Variants in DNAH14 observed in about 807,000 individuals in gnomAD.
The protein encoded by DNAH14 is dynein axonemal heavy chain 14.
Under a neutral mutation model 520.9 loss-of-function variants are expected in DNAH14, and 478 were observed. The observed-to-expected ratio is 0.92, with a 90% confidence interval of 0.85 to 0.99. DNAH14 has a LOEUF of 0.99. Ranked by LOEUF, DNAH14 falls within the 50% of genes least tolerant of loss-of-function variation. DNAH14 has a pLI of 0.00. For missense variants in DNAH14, 4,831 were observed against 5,234.5 expected (o/e 0.92, Z 2.38); for synonymous variants, 1,581 against 1,757.2 (o/e 0.90, Z 2.51).
intron 17 of DNAH14, among the ~76,000 whole-genome samples, chr1:225,059,081 T>A (rs577371165): frequency 8.7e-4 from 132 of 152,312 alleles, no homozygotes; most frequent in Non-Finnish European, 2.9e-4. Context: ...TGGATATCCT[T>A]GTTAACTTTC....
chr1:225,127,491 T>C (rs554151365), intron 27 of DNAH14, among the ~76,000 whole-genome samples: 49 of 152,302 alleles, frequency 3.2e-4, no homozygotes, highest in South Asian at 1.0e-3. Context: ...TTGATCTTTG[T>C]TGGTTTAAAT....
intron 35 of DNAH14, among the ~76,000 whole-genome samples, chr1:225,163,204 T>G (rs1467380503): frequency 6.6e-6 from 1 of 151,906 alleles, no homozygotes; most frequent in Non-Finnish European, 1.5e-5. Context: ...TGTGTGTTGC[T>G]TTTGTATCCT....
intron 76 of DNAH14, 65 bp from the exon 77 acceptor site, chr1:225,367,740 A>C: frequency 8.9e-7 from 1 of 1,126,714 alleles, no homozygotes; most frequent in Non-Finnish European, 1.3e-6. Context: ...TAGAAAGACA[A>C]GTGCCCTGAA....
At chr1:225,150,433 C>T (rs777677653) in intron 31 of DNAH14, among the ~76,000 whole-genome samples, 1 of 152,116 alleles carries the variant, frequency 6.6e-6, no homozygotes, top group South Asian at 2.1e-4. Context: ...AGGAGTCTCT[C>T]CTCCTCAATT....
chr1:225,111,547 T>C (rs1573182958), intron 23 of DNAH14, among the ~76,000 whole-genome samples: 1 of 152,044 alleles, frequency 6.6e-6, no homozygotes, highest in Admixed American at 6.6e-5. Context: ...TGTTTCTTAT[T>C]GGGAGCAGAT....
intron 17 of DNAH14, among the ~76,000 whole-genome samples, chr1:225,075,985 T>TGATCTGCAGCCTG: frequency 6.9e-6 from 1 of 144,586 alleles, no homozygotes; most frequent in East Asian, 2.1e-4. Context: ...TTAGGCTGGC[T>TGATCTGCAGCCTG]GGTCCAGCCT....
At chr1:225,246,705 C>T (rs1032181058) in intron 43 of DNAH14, among the ~76,000 whole-genome samples, 2 of 152,122 alleles carry the variant, frequency 1.3e-5, no homozygotes, top group African/African-American at 4.8e-5. Flanking sequence ...ATTAGAATGG[C>T]AATCATTAAA....
At position 224,952,669 on chromosome 1, in the gene DNAH14, G is replaced by A. The variant is rs768612537; in HGVS notation, c.-33-1G>A. The A allele has an allele frequency of 1.5e-5, 22 of 1,477,126 alleles. No individual in the cohort carries two copies. The South Asian group carries it at 2.8e-4, about 19-fold the overall frequency. 91.5% of individuals were successfully genotyped at this position (1,477,126 alleles called of 1,614,324 possible). A position where few individuals can be genotyped will look rare whatever the true frequency, so the allele number is the denominator to read the frequency against. On this transcript the variant is annotated splice_acceptor_variant, in intron 1 of 85. Transcript: ENST00000682510. LOFTEE classifies it low-confidence loss of function (5UTR_SPLICE). Reference sequence around the variant, plus strand: ...ATATAATAATGTGAATTTTGTTACAGCCAGTTCCTTTATAGTTTTGTTCAG... The same window carrying A: ...ATATAATAATGTGAATTTTGTTACAACCAGTTCCTTTATAGTTTTGTTCAG...
At chr1:225,226,421 G>T (rs1048382728) in intron 41 of DNAH14, among the ~76,000 whole-genome samples, 4 of 152,178 alleles carry the variant, frequency 2.6e-5, no homozygotes, top group African/African-American at 4.8e-5. Context: ...CTTGGTTGCA[G>T]GTAGCCTCAA....
At chr1:225,308,735 C>T (rs999437007) in intron 60 of DNAH14, among the ~76,000 whole-genome samples, 4 of 152,212 alleles carry the variant, frequency 2.6e-5, no homozygotes, top group East Asian at 1.9e-4. Context: ...CTGCAAGAAA[C>T]GAGGCAGCTC....
chr1:224,971,602 C>T (rs1024680009), intron 7 of DNAH14, among the ~76,000 whole-genome samples: 16 of 152,120 alleles, frequency 1.1e-4, no homozygotes, highest in African/African-American at 2.2e-4. Context: ...GAACTAGAGA[C>T]GTCTGTGTGC....
At chr1:225,128,906 A>G (rs968735958) in intron 27 of DNAH14, among the ~76,000 whole-genome samples, 2 of 151,098 alleles carry the variant, frequency 1.3e-5, no homozygotes, top group Non-Finnish European at 1.5e-5. Context: ...ATGATTGTAT[A>G]TCTAGAAAAC....
Position 225,380,434 on chromosome 1 carries a change from G to A in DNAH14, c.12880+112G>A, listed in dbSNP as rs189515952. ...AAAATTCTGTAGAAGTGAAAATACT[G>A]AGATAAGATGGAAAACTCAGTCTCT... On this transcript the variant is annotated intron_variant, in intron 80 of 85. Transcript: ENST00000682510. 116 of 1,215,986 alleles carry A rather than the reference G, an allele frequency of 9.5e-5. 1 individual carries two copies. The East Asian group carries it at 2.3e-3, about 24-fold the overall frequency. 75.3% of individuals were successfully genotyped at this position (1,215,986 alleles called of 1,614,324 possible).
At chr1:225,101,603 A>C (rs2075464310) in intron 23 of DNAH14, among the ~76,000 whole-genome samples, 1 of 152,174 alleles carries the variant, frequency 6.6e-6, no homozygotes, top group Non-Finnish European at 1.5e-5. Context: ...AAATGAGAAC[A>C]TATGAACTTT....
At chr1:225,236,767 G>T (rs1344428295) in intron 42 of DNAH14, among the ~76,000 whole-genome samples, 1 of 152,106 alleles carries the variant, frequency 6.6e-6, no homozygotes, top group Non-Finnish European at 1.5e-5. Flanking sequence ...GGGCAGCATG[G>T]TCATTTTCAC....
intron 9 of DNAH14, among the ~76,000 whole-genome samples, chr1:225,003,263 A>G (rs952737620): frequency 2.0e-5 from 3 of 152,030 alleles, no homozygotes; most frequent in African/African-American, 7.2e-5. Context: ...AGATAGTATC[A>G]TAAGCTTCAA....
intron 60 of DNAH14, among the ~76,000 whole-genome samples, chr1:225,317,514 T>A (rs2094488219): frequency 6.6e-6 from 1 of 152,100 alleles, no homozygotes; most frequent in Admixed American, 6.5e-5. Context: ...ATCTGTAATT[T>A]CTCACTTACT....
At chr1:225,005,315 G>T (rs373257467) in intron 9 of DNAH14, among the ~76,000 whole-genome samples, 4 of 152,028 alleles carry the variant, frequency 2.6e-5, no homozygotes, top group Non-Finnish European at 5.9e-5. Context: ...ATTTTAAATC[G>T]GTTCCTCAGT....
In DNAH14 at chr1:225,265,237, T is replaced by C. The variant is rs1359184405; in HGVS notation, c.7278T>C (p.Asn2426=). 1 of 1,513,920 alleles carries C rather than the reference T, an allele frequency of 6.6e-7. No individual in the cohort carries two copies. Among genetic ancestry groups the C allele is most frequent in the Non-Finnish European group, 8.8e-7 (1 of 1,135,100 alleles). The allele number at this position is 1,513,920 out of a possible 1,614,324, so 93.8% of individuals were successfully genotyped here. A position where few individuals can be genotyped will look rare whatever the true frequency, so the allele number is the denominator to read the frequency against. Residue 2426 remains asparagine (N), a synonymous_variant, in exon 48 of 86, where the codon AAT becomes AAC. Transcript: ENST00000682510. ...CTAATAAAAAGTTACTTAAAAATAA[T>C]GATCATAAAGGAGTTGTAGTCTCTA... ...VRTNKKLLKN[N]DHKGVVVSTI...
Sources: gnomAD v4.1 joint callset for allele counts (sites outside exome capture counted in the v4.1 genomes callset) on GRCh38, gnomAD v4.1.1 for gene constraint, MANE v1.5 for transcripts, NCBI Gene and HGNC (gene_info 2026-07-23, HGNC 2026-07-21) for gene names.